The following CUX2 variants were observed in gnomAD, a reference collection of about 807,000 sequenced individuals.
CUX2 encodes the protein cut like homeobox 2.
CUX2 carries 40 observed loss-of-function variants against 144.8 expected under a neutral mutation model. That is an observed-to-expected ratio of 0.28 (90% CI 0.21 to 0.36). The LOEUF is 0.36. CUX2 is among the 10% of genes least tolerant of loss of function. The pLI is 1.00. For missense variants in CUX2, 1,615 were observed against 1,994.0 expected, an observed-to-expected ratio of 0.81 and a Z score of 3.62; for synonymous variants, 827 against 875.6, an observed-to-expected ratio of 0.94 and a Z score of 0.98.
chr12:111,102,366 G>A lies in CUX2; in HGVS notation c.63+68126G>A, dbSNP rs182815754. On this transcript the variant is annotated intron_variant, in intron 1 of 21. Transcript: ENST00000261726. Reference sequence around the variant, plus strand: ...GATCTAGCAAGCTCAGGCTTGTGGCGGTTGTGGGCATCCGAGACTGTTTTG... The same window carrying A: ...GATCTAGCAAGCTCAGGCTTGTGGCAGTTGTGGGCATCCGAGACTGTTTTG... Among the ~76,000 whole-genome samples, 277 of 152,340 alleles carry A rather than the reference G, an allele frequency of 1.8e-3. 1 individual carries two copies. Among genetic ancestry groups the A allele is most frequent in the Non-Finnish European group, 3.4e-3 (232 of 68,026 alleles).
At chr12:111,073,729 G>A (rs1191331701) in intron 1 of CUX2, among the ~76,000 whole-genome samples, 3 of 152,062 alleles carry the variant, frequency 2.0e-5, no homozygotes, top group Middle Eastern at 3.2e-3. Context: ...GGACGCCAAA[G>A]CAGGAGGATC....
chr12:111,322,666 T>C lies in CUX2; in HGVS notation c.2926+86T>C. Reference sequence around the variant, plus strand: ...TGTCCGCCTGGCTTTACTGCCCGAGTCTACCTATCTCTCCCTCCCTGCTGC... The same window carrying C: ...TGTCCGCCTGGCTTTACTGCCCGAGCCTACCTATCTCTCCCTCCCTGCTGC... On this transcript the variant is annotated intron_variant, in intron 18 of 21. Transcript: ENST00000261726. This position sits in a 1 kb window ranked among gnomAD's most constrained non-coding sequence, Gnocchi z 4.2. 1.3e-6 allele frequency: 2 copies of C among 1,485,854 alleles called. No homozygotes were observed. The highest frequency in any genetic ancestry group is 1.8e-6 in the Non-Finnish European group (2 of 1,101,282). 92.0% of individuals were successfully genotyped at this position (1,485,854 alleles called of 1,614,324 possible).
intron 1 of CUX2, among the ~76,000 whole-genome samples, chr12:111,170,693 C>A (rs906482251): frequency 1.3e-5 from 2 of 151,918 alleles, no homozygotes; most frequent in Non-Finnish European, 2.9e-5. Flanking sequence ...TTTCAACATC[C>A]TCTCCACTTG....
chr12:111,341,550 C>T (rs1022676962), intron 20 of CUX2, among the ~76,000 whole-genome samples: 1 of 152,054 alleles, frequency 6.6e-6, no homozygotes, highest in African/African-American at 2.4e-5. Flanking sequence ...CATGCCAGGG[C>T]TCCCGGGCGG....
chr12:111,207,710 CT>C (rs1449845995), intron 1 of CUX2, among the ~76,000 whole-genome samples: 1 of 152,122 alleles, frequency 6.6e-6, no homozygotes, highest in Non-Finnish European at 1.5e-5. Context: ...GTGTAATAGA[CT>C]CTCAATAAAT....
chr12:111,186,635 G>A lies in CUX2; in HGVS notation c.64-27565G>A, dbSNP rs541668665. On this transcript the variant is annotated intron_variant, in intron 1 of 21. Transcript: ENST00000261726. This position sits in a 1 kb window ranked among gnomAD's most constrained non-coding sequence, Gnocchi z 4.4. ...CAGGGTCCCTGGGCTCGCCTTCAGC[G>A]CCGCCATCTGCCAGCTGTGTGACCT... Among the ~76,000 whole-genome samples the A allele has an allele frequency of 6.6e-5, 10 of 152,332 alleles. No homozygotes were observed. The highest frequency in any genetic ancestry group is 6.2e-4 in the South Asian group (3 of 4,830).
At chr12:111,092,195 T>G (rs1363208265) in intron 1 of CUX2, among the ~76,000 whole-genome samples, 1 of 152,170 alleles carries the variant, frequency 6.6e-6, no homozygotes, top group Non-Finnish European at 1.5e-5. Flanking sequence ...TTAGGAGTTT[T>G]GTGGTGAAGA....
At chr12:111,040,665 G>A (rs2136001658) in intron 1 of CUX2, among the ~76,000 whole-genome samples, 1 of 152,224 alleles carries the variant, frequency 6.6e-6, no homozygotes, top group East Asian at 1.9e-4. Context: ...ACCCCAGAGG[G>A]TTTTGACCAT....
chr12:111,322,341 A>T lies in CUX2; in HGVS notation c.2767-80A>T. The T allele has an allele frequency of 7.9e-7, 1 of 1,272,894 alleles. No individual in the cohort carries two copies. The allele number at this position is 1,272,894 out of a possible 1,614,324, so 78.8% of individuals were successfully genotyped here. A position where few individuals can be genotyped will look rare whatever the true frequency, so the allele number is the denominator to read the frequency against. The stretch of plus-strand genomic sequence containing the variant: ...TGCCTCAAAAAAAAAAAAAAAAAAA[A>T]AAAGGTTGGGGAGGAGAGTGAGGGC... On this transcript the variant is annotated intron_variant, in intron 17 of 21. Coordinates refer to ENST00000261726, the MANE Select transcript of CUX2 (RefSeq NM_015267.4). This position sits in a 1 kb window ranked among gnomAD's most constrained non-coding sequence, Gnocchi z 4.2.
chr12:111,129,940 A>G (rs749903244), intron 1 of CUX2, among the ~76,000 whole-genome samples: 1 of 152,126 alleles, frequency 6.6e-6, no homozygotes, highest in Non-Finnish European at 1.5e-5. Context: ...CTAAAACTCT[A>G]TTGATCACCT....
rs947747170 is a variant in CUX2 at position 111,246,404 on chromosome 12, A to G, written c.223-17357A>G. 1.3e-5 allele frequency among the ~76,000 whole-genome samples: 2 copies of G among 152,164 alleles called. No individual in the cohort carries two copies. The highest frequency in any genetic ancestry group is 2.1e-4 in the South Asian group (1 of 4,828). On this transcript the variant is annotated intron_variant, in intron 3 of 21. Transcript: ENST00000261726. This position sits in a 1 kb window ranked among gnomAD's most constrained non-coding sequence, Gnocchi z 4.0. ...TTAGGATGATTTCTAGACTTAATAC[A>G]TATAAAGCACTTAAAACGGTGCCCA...
intron 1 of CUX2, among the ~76,000 whole-genome samples, chr12:111,126,051 GGC>G (rs1491156346): frequency 0.011 from 1,703 of 149,548 alleles, 47 homozygotes; most frequent in African/African-American, 0.04. Context: ...GCGTGGGGGG[GGC>G]GGATTTATTA....
chr12:111,347,702 G>A lies in CUX2; in HGVS notation c.3838G>A (p.Gly1280Ser). The A allele has an allele frequency of 6.2e-7, 1 of 1,613,868 alleles. No homozygotes were observed. The highest frequency in any genetic ancestry group is 8.5e-7 in the Non-Finnish European group (1 of 1,179,974). The change falls in exon 22 of 22, where the codon GGC (glycine) becomes AGC (serine). Residue 1280 changes from glycine to serine, a missense_variant. Gly to Ser is a moderately conservative substitution (Grantham distance 56). Transcript: ENST00000261726. ...PTVKELELQE[G>S]PEENSTPLTT... is the part of the protein sequence containing the mutation. ...CGTGAAGGAACTGGAGCTTCAGGAG[G>A]GCCCTGAGGAGAACAGCACACCCCT...
At chr12:111,142,938 C>A (rs1365115750) in intron 1 of CUX2, among the ~76,000 whole-genome samples, 3 of 152,154 alleles carry the variant, frequency 2.0e-5, no homozygotes, top group African/African-American at 7.2e-5. Context: ...GATCTGAGAT[C>A]CATGTGTATT....
chr12:111,304,442 T>A lies in CUX2; in HGVS notation c.858+128T>A, dbSNP rs745999269. ...GTGTGCATCCATTTGAAACTGGGAG[T>A]GTGAATGTGTGTGGGTCTCTGTGCA... is the stretch of plus-strand genomic sequence containing the variant. On this transcript the variant is annotated intron_variant, in intron 10 of 21. Coordinates refer to ENST00000261726, the MANE Select transcript of CUX2 (RefSeq NM_015267.4). This position sits in a 1 kb window ranked among gnomAD's most constrained non-coding sequence, Gnocchi z 4.7. The A allele has an allele frequency of 1.7e-5, 12 of 702,918 alleles. No homozygotes were observed. The highest frequency in any genetic ancestry group is 3.0e-5 in the Non-Finnish European group (12 of 401,056). The allele number at this position is 702,918 out of a possible 1,614,324, so 43.5% of individuals were successfully genotyped here. A position where few individuals can be genotyped will look rare whatever the true frequency, so the allele number is the denominator to read the frequency against.
At chr12:111,256,144 G>C (rs530012505) in intron 3 of CUX2, among the ~76,000 whole-genome samples, 1 of 151,814 alleles carries the variant, frequency 6.6e-6, no homozygotes, top group Admixed American at 6.6e-5. Flanking sequence ...TCCTCTCCAC[G>C]GCCCATCGGC....
chr12:111,148,573 T>G (rs1469678067), intron 1 of CUX2, among the ~76,000 whole-genome samples: 4 of 152,248 alleles, frequency 2.6e-5, no homozygotes, highest in Non-Finnish European at 5.9e-5. Flanking sequence ...TCATTATTAC[T>G]ACAGCTACTG....
Position 111,124,889 on chromosome 12 carries a change from C to T in CUX2, c.64-89311C>T, listed in dbSNP as rs549535518. Among the ~76,000 whole-genome samples the T allele has an allele frequency of 9.9e-5, 15 of 152,216 alleles. 1 individual carries two copies. In the Middle Eastern group the frequency reaches 0.01, roughly 104 times the overall value. On this transcript the variant is annotated intron_variant, in intron 1 of 21. Transcript: ENST00000261726. ...GCTCCCACATACAGGTGAGAACATG[C>T]GGTATTTAGTCTTCTGTTCCTATGT...
At chr12:111,134,918 T>G (rs997631992) in intron 1 of CUX2, among the ~76,000 whole-genome samples, 2 of 152,062 alleles carry the variant, frequency 1.3e-5, no homozygotes, top group African/African-American at 4.8e-5. Flanking sequence ...ACGGTACATG[T>G]GGGGACATGA....
Sources: gnomAD v4.1 joint callset for allele counts (sites outside exome capture counted in the v4.1 genomes callset) on GRCh38, gnomAD v4.1.1 for gene constraint, Gnocchi (gnomAD v3.1) non-coding constraint, MANE v1.5 for transcripts, NCBI Gene and HGNC (gene_info 2026-07-23, HGNC 2026-07-21) for gene names.